Variants in SYT14 observed in about 807,000 individuals in gnomAD.
SYT14 encodes the protein synaptotagmin-14.
SYT14 carries 32 observed loss-of-function variants against 74.2 expected under a neutral mutation model. That is an observed-to-expected ratio of 0.43 (90% confidence interval 0.33 to 0.58). The LOEUF (loss-of-function observed/expected upper bound fraction) is 0.58. Ranked by LOEUF, SYT14 falls within the 20% of genes least tolerant of loss-of-function variation. SYT14 has a pLI of 0.05. For synonymous variants in SYT14, 298 were observed against 337.7 expected (o/e 0.88, Z 1.29); for missense variants, 791 against 981.8 (o/e 0.81, Z 2.60).
exon 4 of SYT14, chr1:210,015,990 C>G (rs889298774): frequency 1.1e-5 from 13 of 1,231,920 alleles, no homozygotes; most frequent in Middle Eastern, 6.2e-4. Flanking sequence ...CTTTTAGGAA[C>G]AAGGAATTAG....
rs201895241 is a variant in SYT14, at chr1:209,999,197, A to AACG, written c.-485-14434_-485-14432dup. On this transcript the variant is annotated intron_variant, in intron 2 of 9. Transcript: ENST00000637265. ...TCAGGGAAATGCAAACCAAAGCCAC[A>AACG]ACGAGGTATCATCTTACACCAGTTA... Among the ~76,000 whole-genome samples the AACG allele has an allele frequency of 8.2e-3, 1,242 of 152,286 alleles. 21 individuals are homozygous for AACG. Among genetic ancestry groups the AACG allele is most frequent in the African/African-American group, 0.029 (1,186 of 41,574 alleles).
intron 1 of SYT14, among the ~76,000 whole-genome samples, chr1:209,948,335 A>C (rs1422469231): frequency 1.3e-5 from 2 of 152,210 alleles, no homozygotes; most frequent in African/African-American, 4.8e-5. Context: ...TTCATACACA[A>C]ACACACATGC....
chr1:209,989,338 T>C (rs922112993), intron 2 of SYT14, among the ~76,000 whole-genome samples: 4 of 152,176 alleles, frequency 2.6e-5, no homozygotes, highest in African/African-American at 7.2e-5. Flanking sequence ...GAACAAGATA[T>C]GGTGAAATTT....
chr1:210,151,868 C>G (rs1412471679), intron 7 of SYT14, among the ~76,000 whole-genome samples: 2 of 152,122 alleles, frequency 1.3e-5, no homozygotes, highest in African/African-American at 4.8e-5. Flanking sequence ...TGAGAAAGGC[C>G]TTTCCATCGC....
chr1:210,017,032 C>T, exon 4 of SYT14: 2 of 1,231,674 alleles, frequency 1.6e-6, no homozygotes, highest in South Asian at 8.2e-5. Flanking sequence ...AAACTGAGGC[C>T]ATTTCTGCCA....
chr1:209,965,393 A>G (rs114786476), intron 2 of SYT14, among the ~76,000 whole-genome samples: 2 of 152,194 alleles, frequency 1.3e-5, no homozygotes, highest in Non-Finnish European at 2.9e-5. Flanking sequence ...ACATGATTTC[A>G]TCTCTTTTGT....
chr1:210,124,718 A>G (rs1441580435), intron 7 of SYT14, among the ~76,000 whole-genome samples: 1 of 152,236 alleles, frequency 6.6e-6, no homozygotes, highest in African/African-American at 2.4e-5. Flanking sequence ...TCTAAACACA[A>G]CACTATTATG....
At chr1:210,068,755 A>C (rs2081341042) in intron 5 of SYT14, among the ~76,000 whole-genome samples, 1 of 151,670 alleles carries the variant, frequency 6.6e-6, no homozygotes, top group African/African-American at 2.4e-5. Flanking sequence ...TTTCAAGGAA[A>C]CATTTTGGTT....
intron 1 of SYT14, among the ~76,000 whole-genome samples, chr1:209,944,050 T>C (rs1020374532): frequency 6.6e-6 from 1 of 152,196 alleles, no homozygotes; most frequent in Non-Finnish European, 1.5e-5. Flanking sequence ...TTTTTAGGAC[T>C]ATATTAGAAT....
At chr1:210,168,311 A>G (rs925830022) in exon 10 of SYT14, 1 of 152,136 alleles carries the variant, frequency 6.6e-6, no homozygotes, top group African/African-American at 2.4e-5. Context: ...TGTCAGTTTG[A>G]TAGTCTGTGT....
intron 5 of SYT14, among the ~76,000 whole-genome samples, chr1:210,091,950 G>A (rs1441811651): frequency 6.6e-6 from 1 of 152,180 alleles, no homozygotes; most frequent in East Asian, 1.9e-4. Context: ...AAGAAAAAAG[G>A]TAAAGGAGTA....
chr1:209,965,140 T>C (rs181591966), intron 2 of SYT14, among the ~76,000 whole-genome samples: 32 of 152,324 alleles, frequency 2.1e-4, no homozygotes, highest in Admixed American at 4.6e-4. Context: ...TATATTAATA[T>C]ACTGTGTGAT....
chr1:210,033,176 A>G (rs1182904811), intron 5 of SYT14, among the ~76,000 whole-genome samples: 2 of 151,902 alleles, frequency 1.3e-5, no homozygotes, highest in Non-Finnish European at 2.9e-5. Context: ...AAGCAAAAAG[A>G]AAAGAGACCT....
exon 10 of SYT14, chr1:210,169,221 G>GTTTTGTTTTTTTTTTTTTTTT (rs2083492384): frequency 6.0e-5 from 3 of 50,248 alleles, no homozygotes; most frequent in African/African-American, 1.6e-4. Flanking sequence ...TGTTTTTGGT[G>GTTTTGTTTTTTTTTTTTTTTT]TTTTTTTTTT....
intron 5 of SYT14, among the ~76,000 whole-genome samples, chr1:210,091,703 C>G (rs559865148): frequency 6.6e-6 from 1 of 152,258 alleles, no homozygotes; most frequent in South Asian, 2.1e-4. Context: ...CTTTCATCCT[C>G]CCTCCTGGAT....
chr1:209,990,536 T>TACATATATATAC (rs1553262337), intron 2 of SYT14, among the ~76,000 whole-genome samples: 2 of 44,350 alleles, frequency 4.5e-5, no homozygotes, highest in African/African-American at 2.9e-4. Flanking sequence ...TATATATATA[T>TACATATATATAC]ACGTATATAT....
chr1:209,946,113 T>G (rs2078819974), intron 1 of SYT14, among the ~76,000 whole-genome samples: 1 of 152,356 alleles, frequency 6.6e-6, no homozygotes, highest in African/African-American at 2.4e-5. Flanking sequence ...ATAAATGTTG[T>G]GTGTGTTCTG....
chr1:210,001,179 A>C (rs2079893393), intron 2 of SYT14, among the ~76,000 whole-genome samples: 1 of 151,950 alleles, frequency 6.6e-6, no homozygotes, highest in Non-Finnish European at 1.5e-5. Flanking sequence ...ATTTTCATGA[A>C]TTTTTTTGCT....
In SYT14 at chr1:210,009,685, T is replaced by G. The variant is rs556120492; in HGVS notation, c.-485-3948T>G. Reference sequence around the variant, plus strand: ...AGAGGGAAAAATTTTCAAATTTTGTTAACTAACCTGACCTTTACCAGAACA... The same window carrying G: ...AGAGGGAAAAATTTTCAAATTTTGTGAACTAACCTGACCTTTACCAGAACA... On this transcript the variant is annotated intron_variant, in intron 2 of 9. Transcript: ENST00000637265. Among the ~76,000 whole-genome samples, 51 of 152,292 alleles carry G rather than the reference T, an allele frequency of 3.3e-4. 1 individual carries two copies. Among genetic ancestry groups the G allele is most frequent in the Admixed American group, 2.4e-3 (37 of 15,292 alleles).
Sources: gnomAD v4.1 joint callset for allele counts (sites outside exome capture counted in the v4.1 genomes callset) on GRCh38, gnomAD v4.1.1 for gene constraint, MANE v1.5 for transcripts, NCBI Gene and HGNC (gene_info 2026-07-23, HGNC 2026-07-21) for gene names.